Variants in MAP3K9 observed in about 807,000 individuals in gnomAD.
MAP3K9 encodes mixed lineage kinase 1 (tyr and ser/thr specificity).
MAP3K9 carries 46 observed loss-of-function variants against 95.8 expected under a neutral mutation model. The observed-to-expected ratio is 0.48, with a 90% confidence interval of 0.38 to 0.61. The LOEUF (loss-of-function observed/expected upper bound fraction) is 0.61. MAP3K9 is among the 20% of genes least tolerant of loss of function. The pLI, the probability that MAP3K9 is intolerant of heterozygous loss-of-function variation, is 0.00. For missense variants in MAP3K9, 1,296 were observed against 1,474.3 expected, an observed-to-expected ratio of 0.88 and a Z score of 1.98; for synonymous variants, 533 against 593.8, an observed-to-expected ratio of 0.90 and a Z score of 1.49.
chr14:70,770,331 C>A (rs2054513833), intron 2 of MAP3K9, among the ~76,000 whole-genome samples: 1 of 152,080 alleles, frequency 6.6e-6, no homozygotes, highest in African/African-American at 2.4e-5. Context: ...CAGGCACACA[C>A]CAGGACGCCC....
chr14:70,805,829 G>C (rs911153051), intron 1 of MAP3K9, among the ~76,000 whole-genome samples: 16 of 152,148 alleles, frequency 1.1e-4, no homozygotes, highest in Non-Finnish European at 2.4e-4. Flanking sequence ...TGGGAGGCTG[G>C]GGTGGGAGGA....
rs17108467 is a variant in MAP3K9, at chr14:70,741,505, T to C, written c.1567+846A>G. Among the ~76,000 whole-genome samples, 968 of 152,320 alleles carry C rather than the reference T, an allele frequency of 6.4e-3. 11 individuals are homozygous for C. Among genetic ancestry groups the C allele is most frequent in the African/African-American group, 0.021 (880 of 41,558 alleles). ...GCATTCGGCTCCCTCCATGGATATA[T>C]TACACACCACAAAGATTCTAATTAA... On this transcript the variant is annotated intron_variant, in intron 6 of 11. Coordinates refer to ENST00000554752, the MANE Select transcript of MAP3K9 (RefSeq NM_001284230.2).
intron 7 of MAP3K9, 115 bp from the exon 8 acceptor site, chr14:70,738,513 CT>C: frequency 1.1e-6 from 1 of 933,312 alleles, no homozygotes; most frequent in Non-Finnish European, 1.6e-6. Context: ...GAAGTTAGAC[CT>C]TATCAAAAAC....
At position 70,738,392 on chromosome 14, in the gene MAP3K9, G is replaced by C. The variant is rs1278842635; in HGVS notation, c.1697C>G (p.Pro566Arg). 6.2e-7 allele frequency: 1 copy of C among 1,613,602 alleles called. No individual in the cohort carries two copies. The highest frequency in any genetic ancestry group is 8.5e-7 in the Non-Finnish European group (1 of 1,179,844). ...GCCCCAGGTTTTGCTGCTTTCACCTGGTGTCACTGTGAATCACAAGGGTTG... is the reference window on the plus strand; with the variant it reads ...GCCCCAGGTTTTGCTGCTTTCACCTCGTGTCACTGTGAATCACAAGGGTTG... ...IPRLRAIQLT[P>R]GESSKTWGRS... The change falls in exon 8 of 12, where the codon CCA becomes CGA. Residue 566 changes from proline (P) to arginine (R), a missense_variant. Transcript: ENST00000554752.
intron 1 of MAP3K9, among the ~76,000 whole-genome samples, chr14:70,802,906 G>C (rs1466931808): frequency 6.6e-6 from 1 of 152,106 alleles, no homozygotes; most frequent in African/African-American, 2.4e-5. Context: ...TGAACCCTCT[G>C]ATTTTCATGT....
At chr14:70,739,954 C>G in intron 7 of MAP3K9, 88 bp downstream of exon 7, 1 of 1,614,134 alleles carries the variant, frequency 6.2e-7, no homozygotes, top group African/African-American at 1.3e-5. Context: ...ATGGATGGAG[C>G]AAGCCTGGAC....
rs2053842802 is a variant in MAP3K9, at chr14:70,728,079, T to C, written c.*2301A>G. ...GTGCTCATGGTTTAGCCTGAGGTTA[T>C]GGAGGGCCCGGGGGAAGGAGGCCAC... On this transcript the variant is annotated 3_prime_UTR_variant, in exon 12 of 12. Coordinates refer to ENST00000554752, the MANE Select transcript of MAP3K9 (RefSeq NM_001284230.2). The C allele has an allele frequency of 7.1e-6, 1 of 141,124 alleles. No homozygotes were observed. The highest frequency in any genetic ancestry group is 1.5e-5 in the Non-Finnish European group (1 of 65,206). The allele number at this position is 141,124 out of a possible 1,614,324, so 8.7% of individuals were successfully genotyped here.
chr14:70,757,451 T>A (rs1256094793), intron 3 of MAP3K9, among the ~76,000 whole-genome samples: 1 of 118,782 alleles, frequency 8.4e-6, no homozygotes, highest in African/African-American at 3.5e-5. Context: ...ATTGAGACCC[T>A]GTCCGAAAAA....
intron 2 of MAP3K9, among the ~76,000 whole-genome samples, chr14:70,784,699 G>C (rs934114229): frequency 1.3e-4 from 20 of 152,308 alleles, no homozygotes; most frequent in African/African-American, 4.8e-4. Context: ...TCCAGCCTGG[G>C]AGACAGAGTG....
chr14:70,761,279 G>A, intron 2 of MAP3K9, 97 bp from the exon 3 acceptor site: 1 of 993,112 alleles, frequency 1.0e-6, no homozygotes, highest in Non-Finnish European at 1.5e-6. Flanking sequence ...GGCCTCTCCT[G>A]TGGGCTCCAG....
chr14:70,767,158 C>T (rs538114203), intron 2 of MAP3K9, among the ~76,000 whole-genome samples: 2 of 151,876 alleles, frequency 1.3e-5, no homozygotes, highest in East Asian at 1.9e-4. Context: ...CTGAGGTGGG[C>T]GGGTCACCTG....
intron 2 of MAP3K9, among the ~76,000 whole-genome samples, chr14:70,766,184 C>T (rs963677183): frequency 6.6e-6 from 1 of 152,002 alleles, no homozygotes; most frequent in Non-Finnish European, 1.5e-5. Flanking sequence ...CATAATGGGT[C>T]TAGGTTCACT....
rs780991502 is a variant in MAP3K9, at chr14:70,748,981, A to G, written c.1174T>C (p.Ser392Pro). The part of the protein sequence containing the change: ...MEDCWNPDPH[S>P]RPSFTNILDQ... ...AGGATATTCGTGAAAGATGGTCGTG[A>G]GTGGGGATCAGGATTCCAGCAGTCT... is the stretch of plus-strand genomic sequence containing the variant. The change falls in exon 5 of 12, where the codon TCA becomes CCA. Residue 392 changes from serine (S) to proline (P), a missense_variant. Ser to Pro is a moderately conservative substitution (Grantham distance 74). Coordinates refer to ENST00000554752, the MANE Select transcript of MAP3K9 (RefSeq NM_001284230.2). The G allele has an allele frequency of 1.9e-6, 3 of 1,613,716 alleles. No individual in the cohort carries two copies. The East Asian group carries it at 6.7e-5, about 36-fold the overall frequency.
At chr14:70,771,785 A>G (rs2054535131) in intron 2 of MAP3K9, among the ~76,000 whole-genome samples, 2 of 152,202 alleles carry the variant, frequency 1.3e-5, no homozygotes, top group African/African-American at 4.8e-5. Context: ...TATTCATTAG[A>G]CACAGCCAGC....
chr14:70,754,510 C>T (rs2054271978), intron 3 of MAP3K9, among the ~76,000 whole-genome samples: 1 of 152,120 alleles, frequency 6.6e-6, no homozygotes, highest in Admixed American at 6.5e-5. Flanking sequence ...CTTGCTCTGT[C>T]GCCCAGGCTG....
chr14:70,765,966 T>C (rs1022551202), intron 2 of MAP3K9, among the ~76,000 whole-genome samples: 1 of 151,458 alleles, frequency 6.6e-6, no homozygotes, highest in Non-Finnish European at 1.5e-5. Flanking sequence ...TAGGCGTAAG[T>C]CAATGGGGGC....
chr14:70,767,523 C>A (rs150564345), intron 2 of MAP3K9, among the ~76,000 whole-genome samples: 43 of 152,002 alleles, frequency 2.8e-4, no homozygotes, highest in African/African-American at 1.0e-3. Context: ...TGGAGGGGCA[C>A]TGGGAGGAGA....
At chr14:70,797,654 C>T (rs1444254670) in intron 2 of MAP3K9, among the ~76,000 whole-genome samples, 1 of 152,120 alleles carries the variant, frequency 6.6e-6, no homozygotes, top group Non-Finnish European at 1.5e-5. Context: ...AGGAGAATTA[C>T]TTGAACCTGG....
At chr14:70,765,203 G>A (rs911747206) in intron 2 of MAP3K9, among the ~76,000 whole-genome samples, 1 of 152,124 alleles carries the variant, frequency 6.6e-6, no homozygotes, top group East Asian at 1.9e-4. Flanking sequence ...GGTGGTCCGT[G>A]CCTGTACTCC....
Sources: gnomAD v4.1 joint callset for allele counts (sites outside exome capture counted in the v4.1 genomes callset) on GRCh38, gnomAD v4.1.1 for gene constraint, MANE v1.5 for transcripts, NCBI Gene and HGNC (gene_info 2026-07-23, HGNC 2026-07-21) for gene names.